The following CCDC171 variants were observed in gnomAD, a reference collection of about 807,000 sequenced individuals.
CCDC171 encodes coiled-coil domain-containing protein 171.
A neutral mutation model predicts 168.2 loss-of-function variants in CCDC171; 177 were observed. That is an observed-to-expected ratio of 1.05 (90% confidence interval 0.93 to 1.19). CCDC171 has a LOEUF of 1.19. CCDC171 is among the 50% of genes most tolerant of loss of function. The pLI is 0.00. For synonymous variants in CCDC171, 687 were observed against 540.8 expected (o/e 1.27, Z -3.75); for missense variants, 1,991 against 1,539.0 (o/e 1.29, Z -4.91).
intron 6 of CCDC171, among the ~76,000 whole-genome samples, chr9:16,031,229 C>T (rs936306282): frequency 2.6e-5 from 4 of 152,180 alleles, no homozygotes; most frequent in Non-Finnish European, 5.9e-5. Flanking sequence ...AACTGGAACA[C>T]CAATGCATGT....
intron 23 of CCDC171, among the ~76,000 whole-genome samples, chr9:15,863,284 C>T (rs2061636635): frequency 6.6e-6 from 1 of 151,946 alleles, no homozygotes; most frequent in African/African-American, 2.4e-5. Flanking sequence ...TCAGTTTTCC[C>T]AGTGGTTTCA....
chr9:15,759,096 A>G (rs995179150), intron 18 of CCDC171, among the ~76,000 whole-genome samples: 1 of 152,036 alleles, frequency 6.6e-6, no homozygotes, highest in African/African-American at 2.4e-5. Context: ...CTTCCAATGT[A>G]TTTCGTCTCC....
chr9:15,985,460 T>C (rs930408267), intron 3 of CCDC171, among the ~76,000 whole-genome samples: 7 of 152,230 alleles, frequency 4.6e-5, no homozygotes, highest in Non-Finnish European at 8.8e-5. Flanking sequence ...GTTTCTCATT[T>C]GTCCTGGTAG....
intron 6 of CCDC171, among the ~76,000 whole-genome samples, chr9:16,032,065 A>G (rs933984114): frequency 4.6e-5 from 7 of 152,182 alleles, no homozygotes; most frequent in African/African-American, 1.7e-4. Flanking sequence ...ATCCGTGCCG[A>G]GGAAGGGAAT....
intron 25 of CCDC171, among the ~76,000 whole-genome samples, chr9:15,953,920 G>A (rs910683445): frequency 6.6e-6 from 1 of 151,828 alleles, no homozygotes; most frequent in East Asian, 1.9e-4. Context: ...TATGTTTCTA[G>A]GGAATTGTCT....
chr9:15,758,221 C>T (rs868183856), intron 18 of CCDC171, among the ~76,000 whole-genome samples: 8 of 152,220 alleles, frequency 5.3e-5, no homozygotes, highest in Non-Finnish European at 1.2e-4. Flanking sequence ...TGCAAAGACA[C>T]AGGGGTGGAG....
At chr9:15,740,383 CTT>C (rs33984949) in intron 16 of CCDC171, among the ~76,000 whole-genome samples, 61 of 146,200 alleles carry the variant, frequency 4.2e-4, no homozygotes, top group East Asian at 6.1e-4. Flanking sequence ...TTCCATTGGT[CTT>C]TTTTTTTTTT....
chr9:16,014,426 T>C (rs1832957228), intron 3 of CCDC171, among the ~76,000 whole-genome samples: 1 of 152,208 alleles, frequency 6.6e-6, no homozygotes, highest in Admixed American at 6.5e-5. Flanking sequence ...GGAATCAGTT[T>C]CTTCCAAATT....
At chr9:16,084,094 T>A in the CCDC171 span, among the ~76,000 whole-genome samples, 1 of 152,218 alleles carries the variant, frequency 6.6e-6, no homozygotes, top group African/African-American at 2.4e-5. Flanking sequence ...TAAACCTGAA[T>A]CAATATGTTC....
chr9:15,740,854 T>C (rs1341031941), intron 16 of CCDC171, among the ~76,000 whole-genome samples: 3 of 152,124 alleles, frequency 2.0e-5, no homozygotes, highest in Non-Finnish European at 4.4e-5. Context: ...AACTGGTTTG[T>C]TTTTTGGTGG....
At chr9:16,097,683 T>G in the CCDC171 span, among the ~76,000 whole-genome samples, 1 of 152,202 alleles carries the variant, frequency 6.6e-6, no homozygotes, top group African/African-American at 2.4e-5. Flanking sequence ...ACTTCTATGT[T>G]CTGCTAGTTT....
chr9:16,090,292 C>T, the CCDC171 span, among the ~76,000 whole-genome samples: 1 of 152,046 alleles, frequency 6.6e-6, no homozygotes, highest in South Asian at 2.1e-4. Context: ...AAGTTGGAAA[C>T]CATCAGTCTC....
chr9:15,600,088 C>A (rs528202414), intron 6 of CCDC171, among the ~76,000 whole-genome samples: 1 of 152,146 alleles, frequency 6.6e-6, no homozygotes, highest in Admixed American at 6.5e-5. Context: ...GTTCGAACTT[C>A]CTCCTTTAGC....
rs371718531 is a variant in CCDC171, at chr9:15,657,112, T to C, written c.823-15T>C. ...TACCAATGTTTATGAATTTAAACTT[T>C]TAATTTGTTTTCAGGCAACTACTCT... On this transcript the variant is annotated splice_polypyrimidine_tract_variant and intron_variant, in intron 7 of 25. Transcript: ENST00000380701. 3.4e-6 allele frequency: 5 copies of C among 1,492,528 alleles called. No individual in the cohort carries two copies. In the African/African-American group the frequency reaches 5.6e-5, roughly 17 times the overall value. 92.5% of individuals were successfully genotyped at this position (1,492,528 alleles called of 1,614,324 possible). A position where few individuals can be genotyped will look rare whatever the true frequency, so the allele number is the denominator to read the frequency against.
At chr9:15,875,656 G>T (rs1563919744) in intron 24 of CCDC171, 1 of 151,796 alleles carries the variant, frequency 6.6e-6, no homozygotes, top group Non-Finnish European at 1.5e-5. Flanking sequence ...TGACCCTGTG[G>T]AATTTTAATT....
chr9:15,664,526 G>T (rs1218581150), intron 8 of CCDC171, among the ~76,000 whole-genome samples: 1 of 146,466 alleles, frequency 6.8e-6, no homozygotes, highest in African/African-American at 2.6e-5. Context: ...TGGGATTACA[G>T]GCATGAGCCA....
At chr9:15,902,111 G>A (rs548051059) in intron 24 of CCDC171, among the ~76,000 whole-genome samples, 416 of 152,124 alleles carry the variant, frequency 2.7e-3, no homozygotes, top group Non-Finnish European at 3.7e-3. Flanking sequence ...TCACTTCAAG[G>A]TAAAGTGACA....
chr9:15,931,070 C>T (rs1321642343), intron 25 of CCDC171, among the ~76,000 whole-genome samples: 1 of 151,560 alleles, frequency 6.6e-6, no homozygotes, highest in Non-Finnish European at 1.5e-5. Context: ...TCTCTTTGAC[C>T]TACTGATTCC....
the CCDC171 span, among the ~76,000 whole-genome samples, chr9:16,075,194 A>G: frequency 1.3e-5 from 2 of 151,968 alleles, no homozygotes; most frequent in Non-Finnish European, 2.9e-5. Context: ...CTTCCTCTTT[A>G]TCTCTTCCTA....
Sources: allele counts gnomAD v4.1 joint callset (sites outside exome capture counted in the v4.1 genomes callset), GRCh38; gene constraint gnomAD v4.1.1; transcripts MANE v1.5; gene names NCBI Gene and HGNC (gene_info 2026-07-23, HGNC 2026-07-21).